PRKG1: variants seen among roughly 807,000 people sequenced by gnomAD.
The protein encoded by PRKG1 is cGMP-dependent protein kinase 1.
A neutral mutation model predicts 88.1 loss-of-function variants in PRKG1; 35 were observed. That is an observed-to-expected ratio of 0.40 (90% CI 0.30 to 0.53). The LOEUF is 0.53. Ranked by LOEUF, PRKG1 falls within the 20% of genes least tolerant of loss-of-function variation. The pLI is 0.59. For missense variants in PRKG1, 540 were observed against 839.8 expected, an observed-to-expected ratio of 0.64 and a Z score of 4.41; for synonymous variants, 303 against 292.5, an observed-to-expected ratio of 1.04 and a Z score of -0.37.
At chr10:51,656,661 A>G (rs1285905321) in intron 3 of PRKG1, among the ~76,000 whole-genome samples, 3 of 151,678 alleles carry the variant, frequency 2.0e-5, no homozygotes, top group African/African-American at 7.3e-5. Flanking sequence ...CTTAAACACC[A>G]CTCCCAGATT....
chr10:51,361,189 C>G (rs1259693930), intron 2 of PRKG1, among the ~76,000 whole-genome samples: 3 of 151,932 alleles, frequency 2.0e-5, no homozygotes, highest in African/African-American at 4.8e-5. Context: ...AAGGTTTTAA[C>G]CTCCACAGGT....
intron 7 of PRKG1, among the ~76,000 whole-genome samples, chr10:52,074,350 G>A (rs1242822770): frequency 6.6e-6 from 1 of 151,926 alleles, no homozygotes; most frequent in Admixed American, 6.6e-5. Flanking sequence ...GAAACATCAG[G>A]GTGTCTTAGT....
chr10:51,886,791 T>C (rs542772968), intron 4 of PRKG1, among the ~76,000 whole-genome samples: 2 of 152,258 alleles, frequency 1.3e-5, no homozygotes, highest in Admixed American at 1.3e-4. Context: ...GGGTAATTGG[T>C]TCTAGGACCC....
At chr10:51,706,321 C>G (rs1247463482) in intron 3 of PRKG1, among the ~76,000 whole-genome samples, 1 of 152,188 alleles carries the variant, frequency 6.6e-6, no homozygotes, top group African/African-American at 2.4e-5. Flanking sequence ...TCCACCTGCG[C>G]TGGCCTTCCA....
chr10:51,412,179 G>T (rs10733832), intron 2 of PRKG1, among the ~76,000 whole-genome samples: 4 of 120,694 alleles, frequency 3.3e-5, no homozygotes, highest in East Asian at 2.3e-4. Flanking sequence ...AGGAGAGAGA[G>T]TGAGAGAGAG....
intron 5 of PRKG1, among the ~76,000 whole-genome samples, chr10:51,942,860 G>C (rs1459552649): frequency 6.6e-6 from 1 of 150,592 alleles, no homozygotes; most frequent in African/African-American, 2.5e-5. Flanking sequence ...CTGTAGCCTT[G>C]TAGTATAGTT....
intron 5 of PRKG1, chr10:51,908,303 G>A (rs2132947549): frequency 6.6e-6 from 1 of 152,236 alleles, no homozygotes; most frequent in African/African-American, 2.4e-5. Context: ...TTTCTCTAAA[G>A]GTTAAAGTCT....
At chr10:51,364,553 G>C (rs1842550706) in intron 2 of PRKG1, among the ~76,000 whole-genome samples, 1 of 151,772 alleles carries the variant, frequency 6.6e-6, no homozygotes, top group South Asian at 2.1e-4. Flanking sequence ...ATTGGAGATA[G>C]GACTCCAACA....
At chr10:52,247,827 C>T (rs187461569) in intron 9 of PRKG1, among the ~76,000 whole-genome samples, 5 of 152,204 alleles carry the variant, frequency 3.3e-5, no homozygotes, top group Non-Finnish European at 5.9e-5. Context: ...CCTAACCCAG[C>T]GGTGCTAGAG....
chr10:52,269,351 C>A (rs938575752), intron 10 of PRKG1, among the ~76,000 whole-genome samples: 4 of 152,066 alleles, frequency 2.6e-5, no homozygotes, highest in African/African-American at 9.7e-5. Context: ...AATCTGTCAT[C>A]TTTGAGTTTC....
At chr10:51,062,571 A>T (rs1210869657) in intron 1 of PRKG1, 1 of 152,210 alleles carries the variant, frequency 6.6e-6, no homozygotes. Context: ...GAAGAAATCA[A>T]TAAGATAATC....
At chr10:51,843,834 C>A (rs1840338036) in intron 4 of PRKG1, among the ~76,000 whole-genome samples, 1 of 152,128 alleles carries the variant, frequency 6.6e-6, no homozygotes, top group East Asian at 1.9e-4. Flanking sequence ...CCCATACCCC[C>A]ACACACACAT....
At chr10:52,114,734 T>A (rs946839731) in intron 7 of PRKG1, among the ~76,000 whole-genome samples, 1 of 152,106 alleles carries the variant, frequency 6.6e-6, no homozygotes, top group Non-Finnish European at 1.5e-5. Context: ...AGCTATAAAC[T>A]TAAAGTAACA....
chr10:51,417,400 A>C (rs1015132435), intron 2 of PRKG1, among the ~76,000 whole-genome samples: 1 of 152,200 alleles, frequency 6.6e-6, no homozygotes, highest in Non-Finnish European at 1.5e-5. Flanking sequence ...TTAAAGATGA[A>C]GAATATGAAA....
At chr10:51,381,354 GTGAATGAA>G (rs999321067) in intron 2 of PRKG1, among the ~76,000 whole-genome samples, 1 of 145,448 alleles carries the variant, frequency 6.9e-6, no homozygotes, top group South Asian at 2.2e-4. Flanking sequence ...AAATGAGTGA[GTGAATGAA>G]TGAATGAATG....
intron 1 of PRKG1, among the ~76,000 whole-genome samples, chr10:51,060,267 G>T (rs1843678506): frequency 6.6e-6 from 1 of 151,938 alleles, no homozygotes; most frequent in South Asian, 2.1e-4. Context: ...AGTAACTGGA[G>T]TAATCTGTTT....
At chr10:51,365,870 G>T (rs1485765805) in intron 2 of PRKG1, among the ~76,000 whole-genome samples, 1 of 151,574 alleles carries the variant, frequency 6.6e-6, no homozygotes, top group Non-Finnish European at 1.5e-5. Context: ...TTTCCAAGCT[G>T]CATAGCTTTG....
intron 3 of PRKG1, among the ~76,000 whole-genome samples, chr10:51,737,440 G>C (rs748229995): frequency 8.5e-5 from 13 of 152,136 alleles, no homozygotes; most frequent in Non-Finnish European, 1.5e-4. Context: ...GTTGTTGCCT[G>C]GTTTATTGCT....
At chr10:51,886,009 GTTTCT>G (rs768772658) in intron 4 of PRKG1, among the ~76,000 whole-genome samples, 1 of 152,120 alleles carries the variant, frequency 6.6e-6, no homozygotes, top group East Asian at 1.9e-4. Context: ...CCTAAGTAAG[GTTTCT>G]TTTCTTTTCT....
Sources: gnomAD v4.1 joint callset for allele counts (sites outside exome capture counted in the v4.1 genomes callset) on GRCh38, gnomAD v4.1.1 for gene constraint, MANE v1.5 for transcripts, NCBI Gene and HGNC (gene_info 2026-07-23, HGNC 2026-07-21) for gene names.